The following MACROD2 variants were observed in gnomAD, a reference collection of about 807,000 sequenced individuals.
MACROD2 encodes ADP-ribose glycohydrolase MACROD2.
In MACROD2, 36 loss-of-function variants were observed where a neutral mutation model predicts 70.4. The ratio of observed to expected loss-of-function variants is 0.51; its 90% CI spans 0.39 to 0.68. The LOEUF (loss-of-function observed/expected upper bound fraction) is 0.68, where lower values mean the gene tolerates loss of function less well. Ranked by LOEUF, MACROD2 falls within the 30% of genes least tolerant of loss-of-function variation. The pLI is 0.00. For missense variants in MACROD2, 496 were observed against 538.4 expected, an observed-to-expected ratio of 0.92 and a Z score of 0.78; for synonymous variants, 172 against 178.8, an observed-to-expected ratio of 0.96 and a Z score of 0.30.
chr20:15,224,589 T>C (rs1273304846), intron 5 of MACROD2, among the ~76,000 whole-genome samples: 1 of 152,208 alleles, frequency 6.6e-6, no homozygotes, highest in Non-Finnish European at 1.5e-5. Flanking sequence ...TCTTGACAAT[T>C]ATTCAAAATT....
At chr20:14,683,458 A>G (rs2070959724) in intron 4 of MACROD2, among the ~76,000 whole-genome samples, 1 of 152,200 alleles carries the variant, frequency 6.6e-6, no homozygotes. Context: ...TTTGCAAAAC[A>G]TGCAGTGTAG....
At chr20:15,173,955 T>TA (rs2076441249) in intron 5 of MACROD2, among the ~76,000 whole-genome samples, 1 of 152,204 alleles carries the variant, frequency 6.6e-6, no homozygotes, top group Non-Finnish European at 1.5e-5. Context: ...GTTCATTGGT[T>TA]AAAAAAGTGT....
chr20:14,513,632 A>C (rs2085054576), intron 4 of MACROD2, among the ~76,000 whole-genome samples: 1 of 152,130 alleles, frequency 6.6e-6, no homozygotes, highest in African/African-American at 2.4e-5. Flanking sequence ...AAGAAATTGC[A>C]TATAAATACT....
chr20:15,894,350 G>C (rs2064937801), intron 10 of MACROD2, among the ~76,000 whole-genome samples: 1 of 152,210 alleles, frequency 6.6e-6, no homozygotes, highest in Non-Finnish European at 1.5e-5. Context: ...TGGCTGCCCT[G>C]CTCCTAGACA....
At chr20:14,508,107 G>A (rs2030376042) in intron 4 of MACROD2, among the ~76,000 whole-genome samples, 1 of 152,118 alleles carries the variant, frequency 6.6e-6, no homozygotes, top group Non-Finnish European at 1.5e-5. Context: ...ATAAGCCCAG[G>A]GCTGGATTCA....
chr20:14,166,654 C>T (rs2055273923), intron 3 of MACROD2, among the ~76,000 whole-genome samples: 1 of 152,084 alleles, frequency 6.6e-6, no homozygotes, highest in South Asian at 2.1e-4. Context: ...TTTTATCATT[C>T]TCCCTAGCTT....
At position 15,285,164 on chromosome 20, in the gene MACROD2, G is replaced by C. The variant is rs142241493; in HGVS notation, c.540+55103G>C. On this transcript the variant is annotated intron_variant, in intron 6 of 17. Coordinates refer to ENST00000684519, the MANE Select transcript of MACROD2 (RefSeq NM_001351661.2). ...CCCAATGATAATTTCATTTTCTCTG[G>C]ATAGCTATTTTACTATTTTCCTTTG... Among the ~76,000 whole-genome samples, 650 of 152,136 alleles carry C rather than the reference G, an allele frequency of 4.3e-3. 5 individuals are homozygous for C. Among genetic ancestry groups the C allele is most frequent in the Middle Eastern group, 0.014 (4 of 294 alleles).
At chr20:15,743,016 A>G (rs926280718) in intron 8 of MACROD2, among the ~76,000 whole-genome samples, 2 of 152,202 alleles carry the variant, frequency 1.3e-5, no homozygotes, top group Admixed American at 1.3e-4. Flanking sequence ...GATATTTTCC[A>G]GTAAGACTAT....
intron 5 of MACROD2, among the ~76,000 whole-genome samples, chr20:14,726,662 C>G (rs1212801663): frequency 6.6e-6 from 1 of 152,140 alleles, no homozygotes; most frequent in African/African-American, 2.4e-5. Context: ...GCTTAAGTAG[C>G]ATTATTGTCT....
chr20:14,513,519 C>A (rs2123154292), intron 4 of MACROD2, among the ~76,000 whole-genome samples: 1 of 152,134 alleles, frequency 6.6e-6, no homozygotes, highest in East Asian at 1.9e-4. Context: ...AAGTGCTTTA[C>A]ACACTGATGA....
intron 6 of MACROD2, among the ~76,000 whole-genome samples, chr20:15,342,429 G>A (rs1215702142): frequency 1.3e-5 from 2 of 152,114 alleles, no homozygotes; most frequent in African/African-American, 4.8e-5. Context: ...GGATTTGGGT[G>A]GCAGTAGGAA....
rs200069444 is a variant in MACROD2 at position 14,553,122 on chromosome 20, CA to C, written c.301+59618del. On this transcript the variant is annotated intron_variant, in intron 4 of 17. Coordinates refer to ENST00000684519, the MANE Select transcript of MACROD2 (RefSeq NM_001351661.2). ...AACACAAATACATTGTACAGTTGTA[CA>C]AAATTTTTTTCTTTATATCCTTATT... Among the ~76,000 whole-genome samples, 1,039 of 151,732 alleles carry C rather than the reference CA, an allele frequency of 6.8e-3. 11 individuals are homozygous for C. Among genetic ancestry groups the C allele is most frequent in the African/African-American group, 0.024 (983 of 41,458 alleles).
At chr20:14,488,067 G>A (rs888316554) in intron 3 of MACROD2, among the ~76,000 whole-genome samples, 6 of 152,108 alleles carry the variant, frequency 3.9e-5, no homozygotes, top group African/African-American at 1.4e-4. Context: ...ACATGTTGAG[G>A]CTTATGTTTT....
intron 3 of MACROD2, among the ~76,000 whole-genome samples, chr20:14,329,724 G>T (rs2082799227): frequency 6.6e-6 from 1 of 151,922 alleles, no homozygotes; most frequent in South Asian, 2.1e-4. Context: ...GAAATGCCAA[G>T]GTAACTTTTT....
At chr20:14,284,559 A>T (rs955311065) in intron 3 of MACROD2, among the ~76,000 whole-genome samples, 1 of 152,216 alleles carries the variant, frequency 6.6e-6, no homozygotes, top group Non-Finnish European at 1.5e-5. Flanking sequence ...CTGAATTTGT[A>T]TTGGTAACTA....
intron 4 of MACROD2, among the ~76,000 whole-genome samples, chr20:14,537,385 G>A (rs993563831): frequency 6.6e-6 from 1 of 152,272 alleles, no homozygotes; most frequent in African/African-American, 2.4e-5. Context: ...GTATAAAATA[G>A]CCTCAGAATT....
At chr20:16,027,981 T>G (rs1166366421) in intron 15 of MACROD2, among the ~76,000 whole-genome samples, 1 of 152,102 alleles carries the variant, frequency 6.6e-6, no homozygotes, top group Admixed American at 6.6e-5. Flanking sequence ...ATTAGATGCT[T>G]AATTGAGGCC....
intron 3 of MACROD2, among the ~76,000 whole-genome samples, chr20:14,441,494 G>C (rs1197523620): frequency 6.6e-6 from 1 of 152,164 alleles, no homozygotes; most frequent in Non-Finnish European, 1.5e-5. Flanking sequence ...TAGGCCAAAA[G>C]GGAAGGAACA....
chr20:14,103,168 C>T (rs574565480), intron 3 of MACROD2, among the ~76,000 whole-genome samples: 5 of 152,094 alleles, frequency 3.3e-5, no homozygotes, highest in African/African-American at 1.2e-4. Context: ...AGATAATTCT[C>T]AAGAGAAAAT....
Sources: allele counts gnomAD v4.1 joint callset (sites outside exome capture counted in the v4.1 genomes callset), GRCh38; gene constraint gnomAD v4.1.1; transcripts MANE v1.5; gene names NCBI Gene and HGNC (gene_info 2026-07-23, HGNC 2026-07-21).